Variants in MICOS10 observed in about 807,000 individuals in gnomAD.
MICOS10 encodes MICOS complex subunit MIC10.
In MICOS10, 5 loss-of-function variants were observed where a neutral mutation model predicts 13.4. The observed-to-expected ratio is 0.37, with a 90% CI of 0.20 to 0.78. The LOEUF (loss-of-function observed/expected upper bound fraction) is 0.78, where lower values mean the gene tolerates loss of function less well. Among genes scored for constraint, MICOS10 ranks in the 30% least tolerant of loss-of-function variants. The pLI is 0.47. For synonymous variants in MICOS10, 35 were observed against 33.6 expected (o/e 1.04, Z -0.15); for missense variants, 101 against 94.6 (o/e 1.07, Z -0.28).
intron 1 of MICOS10, among the ~76,000 whole-genome samples, chr1:19,609,635 T>A (rs1156731719): frequency 6.6e-6 from 1 of 152,218 alleles, no homozygotes; most frequent in Non-Finnish European, 1.5e-5. Context: ...GTCCTTAAAG[T>A]GGAGTATCTG....
intron 1 of MICOS10, 33 bp downstream of exon 1, chr1:19,597,142 G>C: frequency 1.3e-6 from 2 of 1,586,848 alleles, no homozygotes; most frequent in South Asian, 2.3e-5. Context: ...AGGCCCGGCC[G>C]GTGCAGAGCT....
At chr1:19,604,550 A>C (rs1208709933) in intron 1 of MICOS10, among the ~76,000 whole-genome samples, 3 of 152,188 alleles carry the variant, frequency 2.0e-5, no homozygotes, top group Non-Finnish European at 4.4e-5. Flanking sequence ...TGAAGAGTAG[A>C]GGTAAAAGAG....
At chr1:19,615,123 T>C (rs2094878760) in intron 1 of MICOS10, among the ~76,000 whole-genome samples, 1 of 152,248 alleles carries the variant, frequency 6.6e-6, no homozygotes, top group Non-Finnish European at 1.5e-5. Flanking sequence ...TGGACAGTTT[T>C]CTGGGTAAAA....
chr1:19,611,495 A>G (rs1194307299), intron 1 of MICOS10, among the ~76,000 whole-genome samples: 56 of 77,574 alleles, frequency 7.2e-4, no homozygotes, highest in African/African-American at 7.1e-3. Context: ...TTTTTTTGAG[A>G]CAGGGTCTTC....
At chr1:19,603,959 A>G (rs1054458049) in intron 1 of MICOS10, among the ~76,000 whole-genome samples, 1 of 152,210 alleles carries the variant, frequency 6.6e-6, no homozygotes, top group African/African-American at 2.4e-5. Flanking sequence ...GTAGCAAGAA[A>G]AAAGGCAAGC....
intron 1 of MICOS10, chr1:19,617,464 C>CTGG (rs1185148717): frequency 4.7e-6 from 1 of 213,398 alleles, no homozygotes; most frequent in Non-Finnish European, 8.1e-6. Context: ...TGGCACTTTC[C>CTGG]TGGTTAATTC....
chr1:19,615,141 C>T (rs139290523), intron 1 of MICOS10, among the ~76,000 whole-genome samples: 1 of 152,356 alleles, frequency 6.6e-6, no homozygotes, highest in East Asian at 1.9e-4. Context: ...AAATGGACTT[C>T]TTTCTGACTT....
chr1:19,600,828 AG>A (rs1162717409), intron 1 of MICOS10: 1 of 1,171,106 alleles, frequency 8.5e-7, no homozygotes, highest in Non-Finnish European at 1.1e-6. Context: ...TCTTGAACTC[AG>A]GGTCCAAACG....
At position 19,626,407 on chromosome 1, in the gene MICOS10, C is replaced by G. The variant is rs2094922243; in HGVS notation, c.*6C>G. 3 of 1,613,796 alleles carry G rather than the reference C, an allele frequency of 1.9e-6. No individual in the cohort carries two copies. Among genetic ancestry groups the G allele is most frequent in the Non-Finnish European group, 2.5e-6 (3 of 1,179,852 alleles). ...TACAGGAGCAGGAGCAGTGACTTCA[C>G]CTGAGAACATCCCAGCGGGAGGACA... On this transcript the variant is annotated 3_prime_UTR_variant, in exon 4 of 4. Coordinates refer to ENST00000322753, the MANE Select transcript of MICOS10 (RefSeq NM_001032363.4).
intron 1 of MICOS10, among the ~76,000 whole-genome samples, chr1:19,612,084 C>G (rs1424036913): frequency 1.3e-5 from 2 of 150,866 alleles, no homozygotes; most frequent in Non-Finnish European, 3.0e-5. Context: ...ACTCTGTCAC[C>G]CAGGATGGAG....
intron 1 of MICOS10, among the ~76,000 whole-genome samples, chr1:19,598,777 GTA>G (rs966174352): frequency 6.6e-6 from 1 of 152,020 alleles, no homozygotes; most frequent in Non-Finnish European, 1.5e-5. Flanking sequence ...TTACCTGAAA[GTA>G]TTAAAAAAAG....
chr1:19,598,014 G>A (rs1280195012), intron 1 of MICOS10: 2 of 152,120 alleles, frequency 1.3e-5, no homozygotes, highest in African/African-American at 4.8e-5. Context: ...AGAGGATTTA[G>A]GATTGTGTCT....
intron 3 of MICOS10, chr1:19,625,616 A>G (rs1173624947): frequency 7.8e-7 from 1 of 1,288,836 alleles, no homozygotes; most frequent in Admixed American, 2.3e-5. Flanking sequence ...CGAAAGGAGC[A>G]GACAGAGAAG....
chr1:19,597,212 C>T, intron 1 of MICOS10, 103 bp downstream of exon 1: 2 of 1,280,482 alleles, frequency 1.6e-6, no homozygotes, highest in Non-Finnish European at 2.1e-6. Flanking sequence ...GAGGTCAGGC[C>T]TCTCGGCCTT....
intron 1 of MICOS10, among the ~76,000 whole-genome samples, chr1:19,605,071 G>C (rs1041338197): frequency 6.6e-6 from 1 of 152,152 alleles, no homozygotes. Context: ...GCTCATGGTG[G>C]CAGAATCCCT....
intron 1 of MICOS10, among the ~76,000 whole-genome samples, chr1:19,619,094 ATCTAT>A: frequency 6.6e-6 from 1 of 152,204 alleles, no homozygotes; most frequent in African/African-American, 2.4e-5. Context: ...TTCCCCTATG[ATCTAT>A]TATAGAAATA....
chr1:19,608,336 A>G (rs1325922356), intron 1 of MICOS10: 1 of 1,295,586 alleles, frequency 7.7e-7, no homozygotes. Flanking sequence ...ATATGCTGCT[A>G]TGTTGACCAC....
At chr1:19,602,331 A>G (rs1484743125) in intron 1 of MICOS10, among the ~76,000 whole-genome samples, 1 of 152,196 alleles carries the variant, frequency 6.6e-6, no homozygotes, top group Non-Finnish European at 1.5e-5. Context: ...AGTAAAGTAG[A>G]TTTCTGCCCG....
At chr1:19,624,006 T>C (rs2100333398) in intron 3 of MICOS10, among the ~76,000 whole-genome samples, 1 of 152,330 alleles carries the variant, frequency 6.6e-6, no homozygotes, top group Non-Finnish European at 1.5e-5. Context: ...GTTTCATTTT[T>C]TTGAGACGGA....
Sources: allele counts gnomAD v4.1 joint callset (sites outside exome capture counted in the v4.1 genomes callset), GRCh38; gene constraint gnomAD v4.1.1; transcripts MANE v1.5; gene names NCBI Gene and HGNC (gene_info 2026-07-23, HGNC 2026-07-21).